The following ZNF678 variants were observed in gnomAD, a reference collection of about 807,000 sequenced individuals.
ZNF678 encodes hypothetical protein MGC42493.
In ZNF678, 5 loss-of-function variants were observed where a neutral mutation model predicts 3.0. The ratio of observed to expected loss-of-function variants is 1.69; its 90% CI spans 0.88 to 3.56. The LOEUF (loss-of-function observed/expected upper bound fraction) is 3.56, where lower values mean the gene tolerates loss of function less well. Among genes scored for constraint, ZNF678 ranks in the 30% most tolerant of loss-of-function variants. ZNF678 has a pLI of 0.00. For missense variants in ZNF678, 593 were observed against 605.0 expected, an observed-to-expected ratio of 0.98 and a Z score of 0.21; for synonymous variants, 218 against 199.6, an observed-to-expected ratio of 1.09 and a Z score of -0.78.
intron 1 of ZNF678, among the ~76,000 whole-genome samples, chr1:227,594,503 C>T (rs1571873069): frequency 6.6e-6 from 1 of 152,176 alleles, no homozygotes. Flanking sequence ...TAACTTTAGC[C>T]AGTGTTTACA....
At chr1:227,601,721 C>T (rs1003848943) in intron 1 of ZNF678, among the ~76,000 whole-genome samples, 2 of 151,784 alleles carry the variant, frequency 1.3e-5, no homozygotes, top group Non-Finnish European at 2.9e-5. Flanking sequence ...TGTGCCAACA[C>T]GCCTGGCTAA....
At chr1:227,625,719 C>T (rs1028415065) in intron 1 of ZNF678, among the ~76,000 whole-genome samples, 2 of 152,020 alleles carry the variant, frequency 1.3e-5, no homozygotes, top group Admixed American at 1.3e-4. Flanking sequence ...TTTGAGAGGT[C>T]TAGTCCTTTG....
chr1:227,648,286 T>C (rs1343246784), intron 2 of ZNF678, among the ~76,000 whole-genome samples: 1 of 152,210 alleles, frequency 6.6e-6, no homozygotes, highest in East Asian at 1.9e-4. Flanking sequence ...TTATTTACTA[T>C]AAAGCTTACT....
chr1:227,660,258 T>G lies in ZNF678; in HGVS notation c.*4430T>G, dbSNP rs1488318071. On this transcript the variant is annotated 3_prime_UTR_variant, in exon 4 of 4. Transcript: ENST00000343776. ...TTTTACTGTACTATATGAATTTTTG[T>G]GTTTTTTTTGTGAAAAATTTTATTG... is the stretch of plus-strand genomic sequence containing the variant. 3.8e-5 allele frequency: 2 copies of G among 52,384 alleles called. No homozygotes were observed. Among genetic ancestry groups the G allele is most frequent in the African/African-American group, 9.0e-5 (1 of 11,060 alleles). The allele number at this position is 52,384 out of a possible 1,614,324, so 3.2% of individuals were successfully genotyped here. A position where few individuals can be genotyped will look rare whatever the true frequency, so the allele number is the denominator to read the frequency against.
chr1:227,630,177 C>T (rs1343911396), intron 1 of ZNF678, among the ~76,000 whole-genome samples: 1 of 152,154 alleles, frequency 6.6e-6, no homozygotes, highest in Non-Finnish European at 1.5e-5. Context: ...CTCAATGCCT[C>T]CCTTAGTCTC....
chr1:227,650,956 G>C lies in ZNF678; in HGVS notation c.-36G>C. 6.2e-7 allele frequency: 1 copy of C among 1,605,046 alleles called. No homozygotes were observed. The highest frequency in any genetic ancestry group is 8.5e-7 in the Non-Finnish European group (1 of 1,175,826). On this transcript the variant is annotated splice_region_variant and 5_prime_UTR_variant, in exon 3 of 4. Coordinates refer to ENST00000343776, the MANE Select transcript of ZNF678 (RefSeq NM_001367909.1). ...TTTCTTGCCTAATTGTTCTGTCTAGGACTTCCAGGACTATGTTAAAATAGA... is the reference window on the plus strand; with the variant it reads ...TTTCTTGCCTAATTGTTCTGTCTAGCACTTCCAGGACTATGTTAAAATAGA...
intron 1 of ZNF678, among the ~76,000 whole-genome samples, chr1:227,620,392 T>C (rs1343639231): frequency 6.6e-6 from 1 of 152,208 alleles, no homozygotes; most frequent in Non-Finnish European, 1.5e-5. Context: ...TGTGTTGCCT[T>C]CGTCTTTTGC....
chr1:227,565,199 G>C (rs775367302), intron 1 of ZNF678, among the ~76,000 whole-genome samples: 7 of 151,842 alleles, frequency 4.6e-5, no homozygotes, highest in Non-Finnish European at 1.0e-4. Context: ...CCAAGTAGCT[G>C]GGACTACAGG....
At chr1:227,573,669 A>AT (rs1467837996) in intron 1 of ZNF678, among the ~76,000 whole-genome samples, 2 of 152,068 alleles carry the variant, frequency 1.3e-5, no homozygotes, top group Admixed American at 6.5e-5. Context: ...TTTTATTTTT[A>AT]TTTTTTATTT....
rs186279228 is a variant in ZNF678 at position 227,619,193 on chromosome 1, A to G, written c.-163-27351A>G. Among the ~76,000 whole-genome samples the G allele has an allele frequency of 3.3e-5, 5 of 152,104 alleles. No homozygotes were observed. The East Asian group carries it at 7.8e-4, about 24-fold the overall frequency. On this transcript the variant is annotated intron_variant, in intron 1 of 3. Coordinates refer to ENST00000343776, the MANE Select transcript of ZNF678 (RefSeq NM_001367909.1). ...ACAGAGCCAAACCATATCATCACCC[A>G]TCTTCCCCTGCTACTTTCTCTTGCC...
chr1:227,646,835 A>G (rs537524656), intron 2 of ZNF678, among the ~76,000 whole-genome samples, 165 bp downstream of exon 2: 1 of 152,316 alleles, frequency 6.6e-6, no homozygotes, highest in African/African-American at 2.4e-5. Flanking sequence ...AAAATCTTCA[A>G]AATGTTTCAT....
At chr1:227,592,194 CG>C (rs1378969470) in intron 1 of ZNF678, among the ~76,000 whole-genome samples, 1 of 152,162 alleles carries the variant, frequency 6.6e-6, no homozygotes, top group Non-Finnish European at 1.5e-5. Flanking sequence ...AGTGGTTATG[CG>C]GGGATTTTCA....
At chr1:227,607,116 AT>A (rs1298071657) in intron 1 of ZNF678, among the ~76,000 whole-genome samples, 1 of 152,202 alleles carries the variant, frequency 6.6e-6, no homozygotes, top group African/African-American at 2.4e-5. Context: ...ATACATGATG[AT>A]TTTTAATTGA....
intron 1 of ZNF678, among the ~76,000 whole-genome samples, chr1:227,636,533 A>G (rs947810884): frequency 1.3e-5 from 2 of 152,224 alleles, no homozygotes; most frequent in Non-Finnish European, 2.9e-5. Flanking sequence ...TAGAAGTGCA[A>G]TAACCCCATG....
chr1:227,640,959 A>T (rs535891068), intron 1 of ZNF678, among the ~76,000 whole-genome samples: 2 of 152,374 alleles, frequency 1.3e-5, no homozygotes, highest in East Asian at 3.9e-4. Context: ...CCAGATGATC[A>T]TTGAGTACCT....
chr1:227,652,535 G>C (rs1387988101), intron 3 of ZNF678, among the ~76,000 whole-genome samples: 1 of 151,952 alleles, frequency 6.6e-6, no homozygotes, highest in Non-Finnish European at 1.5e-5. Context: ...CTCTTCTTCT[G>C]TGTGTGTTTA....
At chr1:227,583,643 GA>G (rs201075443) in intron 1 of ZNF678, among the ~76,000 whole-genome samples, 13 of 150,050 alleles carry the variant, frequency 8.7e-5, no homozygotes, top group African/African-American at 1.7e-4. Flanking sequence ...TATATTTAGG[GA>G]AAAAAAAATA....
intron 1 of ZNF678, among the ~76,000 whole-genome samples, chr1:227,586,138 A>T (rs1657255307): frequency 6.6e-6 from 1 of 152,216 alleles, no homozygotes; most frequent in Non-Finnish European, 1.5e-5. Flanking sequence ...CCTATGATTG[A>T]GTCTGTGAAT....
rs1217345938 is a variant in ZNF678 at position 227,662,394 on chromosome 1, T to C, written c.*6566T>C. ...GAAGAAAAGAGCCTTGGAGAAGTTT[T>C]ATTTTTTTCTGTTTGGAAAGAATAC... On this transcript the variant is annotated 3_prime_UTR_variant, in exon 4 of 4. Coordinates refer to ENST00000343776, the MANE Select transcript of ZNF678 (RefSeq NM_001367909.1). The C allele has an allele frequency of 6.6e-6, 1 of 152,224 alleles. No individual in the cohort carries two copies. Among genetic ancestry groups the C allele is most frequent in the Non-Finnish European group, 1.5e-5 (1 of 68,052 alleles). The allele number at this position is 152,224 out of a possible 1,614,324, so 9.4% of individuals were successfully genotyped here.
Sources: allele counts gnomAD v4.1 joint callset (sites outside exome capture counted in the v4.1 genomes callset), GRCh38; gene constraint gnomAD v4.1.1; transcripts MANE v1.5; gene names NCBI Gene and HGNC (gene_info 2026-07-23, HGNC 2026-07-21).